The following ADAM23 variants were observed in gnomAD, a reference collection of about 807,000 sequenced individuals.
ADAM23 encodes the protein ADAM metallopeptidase domain 23.
A neutral mutation model predicts 120.1 loss-of-function variants in ADAM23; 33 were observed. That is an observed-to-expected ratio of 0.27 (90% CI 0.21 to 0.37). The LOEUF (loss-of-function observed/expected upper bound fraction) is 0.37, where lower values mean the gene tolerates loss of function less well. Ranked by LOEUF, ADAM23 falls within the 10% of genes least tolerant of loss-of-function variation. The pLI, the probability that ADAM23 is intolerant of heterozygous loss-of-function variation, is 1.00. For synonymous variants in ADAM23, 367 were observed against 375.2 expected (o/e 0.98, Z 0.25); for missense variants, 862 against 1,058.2 (o/e 0.81, Z 2.57).
intron 24 of ADAM23, among the ~76,000 whole-genome samples, chr2:206,601,063 A>G (rs1698631653): frequency 6.6e-6 from 1 of 152,236 alleles, no homozygotes; most frequent in African/African-American, 2.4e-5. Flanking sequence ...TAAAAGACCT[A>G]GAATTCTCTC....
In ADAM23 at chr2:206,444,027, C is replaced by G. The variant is rs1356500018; in HGVS notation, c.161C>G (p.Pro54Arg). ...CRLLLVLLLL[P>R]PLAASSRPRA... ...CTGCTTCTCGTCCTTCTCCTGCTGC[C>G]TCCGCTCGCCGCCTCGTCCCGGCCC... The change falls in exon 1 of 26, where the codon CCT (proline) becomes CGT (arginine). Residue 54 changes from proline to arginine, a missense_variant. Pro to Arg is a moderately radical substitution (Grantham distance 103). Transcript: ENST00000264377. 5.0e-6 allele frequency: 7 copies of G among 1,411,910 alleles called. No homozygotes were observed. In the East Asian group the frequency reaches 1.8e-4, roughly 37 times the overall value. 87.5% of individuals were successfully genotyped at this position (1,411,910 alleles called of 1,614,324 possible).
chr2:206,454,034 G>A (rs1287163352), intron 2 of ADAM23, among the ~76,000 whole-genome samples: 1 of 152,216 alleles, frequency 6.6e-6, no homozygotes, highest in Non-Finnish European at 1.5e-5. Context: ...TCTGCTGATA[G>A]GCACTAATTA....
intron 4 of ADAM23, among the ~76,000 whole-genome samples, chr2:206,540,949 ATAT>A (rs996492953): frequency 1.4e-5 from 2 of 147,612 alleles, no homozygotes; most frequent in African/African-American, 2.5e-5. Flanking sequence ...TCTTTTATAA[ATAT>A]TATTTATAAA....
intron 9 of ADAM23, among the ~76,000 whole-genome samples, chr2:206,551,984 T>A (rs1392748457): frequency 6.6e-5 from 10 of 152,190 alleles, no homozygotes; most frequent in African/African-American, 2.4e-4. Context: ...GGCTAAAATA[T>A]GAGTTTCTGA....
intron 3 of ADAM23, among the ~76,000 whole-genome samples, chr2:206,526,926 G>A (rs1447780753): frequency 6.6e-6 from 1 of 152,174 alleles, no homozygotes; most frequent in African/African-American, 2.4e-5. Flanking sequence ...GATTCACCAT[G>A]AAGGGCAGAG....
chr2:206,516,283 C>T (rs1574508366), intron 3 of ADAM23, among the ~76,000 whole-genome samples: 1 of 146,898 alleles, frequency 6.8e-6, no homozygotes, highest in African/African-American at 2.5e-5. Context: ...AAAATAGTAA[C>T]AATAGAATTT....
intron 4 of ADAM23, among the ~76,000 whole-genome samples, chr2:206,536,407 A>T (rs1267326568): frequency 8.4e-6 from 1 of 119,172 alleles, no homozygotes; most frequent in African/African-American, 3.2e-5. Flanking sequence ...CTTATAGAAC[A>T]GTGGTTACCA....
intron 4 of ADAM23, among the ~76,000 whole-genome samples, chr2:206,535,451 C>T (rs10197510): frequency 0.62 from 94,684 of 151,980 alleles, 29,825 homozygotes; most frequent in African/African-American, 0.68. Context: ...CAGTTCTACT[C>T]CTAGGCATAT....
intron 25 of ADAM23, among the ~76,000 whole-genome samples, chr2:206,616,886 T>A (rs1037282420): frequency 2.0e-5 from 3 of 152,200 alleles, no homozygotes; most frequent in Admixed American, 1.3e-4. Context: ...AGCCACTTTT[T>A]AGGAGACTGG....
chr2:206,528,626 GCATCAGA>G (rs1413004296), intron 3 of ADAM23, among the ~76,000 whole-genome samples: 1 of 152,146 alleles, frequency 6.6e-6, no homozygotes, highest in African/African-American at 2.4e-5. Context: ...TTTTTAGAAT[GCATCAGA>G]TGCAGCTCTC....
intron 3 of ADAM23, among the ~76,000 whole-genome samples, chr2:206,496,237 C>G (rs1466035520): frequency 1.3e-5 from 2 of 152,112 alleles, no homozygotes; most frequent in Admixed American, 6.6e-5. Flanking sequence ...CCAAAATTGA[C>G]CACATAGTTG....
rs376302408 is a variant in ADAM23, at chr2:206,596,118, A to C, written c.2315A>C (p.Asp772Ala). Reference protein sequence around the residue: ...TWAGTDCSIRDPVRNLHPPKD... With the variant: ...TWAGTDCSIRAPVRNLHPPKD... Reference sequence around the variant, plus strand: ...GCAGGGACAGATTGCAGTATCCGGGATCCAGTTAGGAACCTTCACCCCCCC... The same window carrying C: ...GCAGGGACAGATTGCAGTATCCGGGCTCCAGTTAGGAACCTTCACCCCCCC... Residue 772 changes from aspartate to alanine, a missense_variant, in exon 24 of 26, where the codon GAT (aspartate) becomes GCT (alanine). By Grantham distance (126) the Asp-to-Ala change is moderately radical. This residue lies in a region of ADAM23 where 617 missense variants were observed against 813.5 expected (regional missense o/e 0.76). Coordinates refer to ENST00000264377, the MANE Select transcript of ADAM23 (RefSeq NM_003812.4). 83 of 1,613,978 alleles carry C rather than the reference A, an allele frequency of 5.1e-5. No individual in the cohort carries two copies. Among genetic ancestry groups the C allele is most frequent in the Non-Finnish European group, 6.9e-5 (82 of 1,180,010 alleles).
At chr2:206,447,200 T>C (rs1231775279) in intron 2 of ADAM23, among the ~76,000 whole-genome samples, 1 of 152,210 alleles carries the variant, frequency 6.6e-6, no homozygotes, top group African/African-American at 2.4e-5. Flanking sequence ...ATACCTGACT[T>C]CCGTGATAAT....
intron 2 of ADAM23, among the ~76,000 whole-genome samples, chr2:206,458,328 A>G (rs1695343003): frequency 7.8e-6 from 1 of 127,698 alleles, no homozygotes; most frequent in Non-Finnish European, 1.7e-5. Flanking sequence ...TTTCATGAAT[A>G]ATGTATTTCT....
At chr2:206,477,897 A>AAAAAAAAAAAAAATATATAT (rs374524658) in intron 2 of ADAM23, among the ~76,000 whole-genome samples, 1 of 93,604 alleles carries the variant, frequency 1.1e-5, no homozygotes, top group African/African-American at 5.2e-5. Context: ...AAAAAAAAAA[A>AAAAAAAAAAAAAATATATAT]ATATATATAT....
At chr2:206,571,338 G>A (rs1053999317) in intron 16 of ADAM23, among the ~76,000 whole-genome samples, 4 of 152,120 alleles carry the variant, frequency 2.6e-5, no homozygotes, top group East Asian at 1.9e-4. Flanking sequence ...AGCCGGGCGC[G>A]GTGGCGGGCG....
chr2:206,460,968 T>C (rs191440448), intron 2 of ADAM23, among the ~76,000 whole-genome samples: 190 of 152,268 alleles, frequency 1.2e-3, no homozygotes, highest in Non-Finnish European at 2.0e-3. Context: ...GATGTCTAGT[T>C]TTCACAACAC....
chr2:206,605,623 C>T (rs373681378), intron 24 of ADAM23, among the ~76,000 whole-genome samples: 1 of 152,246 alleles, frequency 6.6e-6, no homozygotes, highest in African/African-American at 2.4e-5. Flanking sequence ...CACAGTTATC[C>T]TCAAATATCT....
intron 24 of ADAM23, among the ~76,000 whole-genome samples, chr2:206,608,549 A>G (rs570812024): frequency 1.3e-5 from 2 of 152,226 alleles, no homozygotes; most frequent in Admixed American, 6.5e-5. Context: ...TGTTTAAACT[A>G]TTTTTATGGC....
Sources: gnomAD v4.1 joint callset for allele counts (sites outside exome capture counted in the v4.1 genomes callset) on GRCh38, gnomAD v4.1.1 for gene constraint, gnomAD v4.1.1 regional missense constraint, MANE v1.5 for transcripts, NCBI Gene and HGNC (gene_info 2026-07-23, HGNC 2026-07-21) for gene names.